MAGED1: variants seen among roughly 807,000 people sequenced by gnomAD.
The protein encoded by MAGED1 is melanoma-associated antigen D1.
Under a neutral mutation model 54.1 loss-of-function variants are expected in MAGED1, and 3 were observed. The ratio of observed to expected loss-of-function variants is 0.06; its 90% confidence interval spans 0.03 to 0.14. The LOEUF (loss-of-function observed/expected upper bound fraction) is 0.14. Ranked by LOEUF, MAGED1 falls within the 10% of genes least tolerant of loss-of-function variation. The pLI is 1.00. For synonymous variants in MAGED1, 217 were observed against 227.3 expected (o/e 0.95, Z 0.41); for missense variants, 485 against 623.4 (o/e 0.78, Z 2.36).
intron 1 of MAGED1, among the ~76,000 whole-genome samples, chrX:51,843,085 G>A (rs1448885950): frequency 9.0e-6 from 1 of 111,433 alleles, no homozygotes; most frequent in Non-Finnish European, 1.9e-5. Flanking sequence ...TTATTTTCTT[G>A]GAGAAGGCTT....
At chrX:51,892,307 G>A (rs973972908), upstream of MAGED1, among the ~76,000 whole-genome samples, 1 of 112,272 alleles carries the variant, frequency 8.9e-6, no homozygotes, top group Non-Finnish European at 1.9e-5. Context: ...TGAGTGACCC[G>A]TGCGGGCTCA....
intron 1 of MAGED1, among the ~76,000 whole-genome samples, chrX:51,879,435 T>C (rs1927983045): frequency 9.0e-6 from 1 of 111,606 alleles, no homozygotes; most frequent in Non-Finnish European, 1.9e-5. Context: ...GATCTTTTCC[T>C]ATATGTAGAA....
chrX:51,895,758 A>G lies in MAGED1; in HGVS notation c.751A>G (p.Lys251Glu), dbSNP rs1375022505. 5 of 1,158,104 alleles carry G rather than the reference A, an allele frequency of 4.3e-6. No homozygotes were observed. Among genetic ancestry groups the G allele is most frequent in the Non-Finnish European group, 5.8e-6 (5 of 865,750 alleles). ...RTIIRGKRTR[K>E]INNLNVEENS... ...AATAATTCGGGGCAAGAGGACCCGC[A>G]AGGTGAGATCTCTGCTAACTTCATT... The change falls in exon 3 of 13, where the codon AAG (lysine) becomes GAG (glutamate). Residue 251 changes from lysine to glutamate, a missense_variant and splice_region_variant. Lys to Glu is a moderately conservative substitution (Grantham distance 56). This residue lies in a region of MAGED1 where 299 missense variants were observed against 293.1 expected (regional missense o/e 1.02). Transcript: ENST00000326587.
intron 1 of MAGED1, among the ~76,000 whole-genome samples, chrX:51,820,007 C>CATATAG (rs1925565009): frequency 9.0e-6 from 1 of 111,614 alleles, no homozygotes; most frequent in Admixed American, 9.5e-5. Context: ...GTTTCATTTG[C>CATATAG]ATATAGATAT....
intron 1 of MAGED1, among the ~76,000 whole-genome samples, chrX:51,845,982 C>T (rs1441560168): frequency 9.0e-6 from 1 of 110,528 alleles, no homozygotes; most frequent in Non-Finnish European, 1.9e-5. Flanking sequence ...TGTCATGTTG[C>T]CCAGGCTGGT....
At chrX:51,890,506 G>T (rs782293348), upstream of MAGED1, among the ~76,000 whole-genome samples, 1 of 111,809 alleles carries the variant, frequency 8.9e-6, no homozygotes, top group Admixed American at 9.5e-5. Context: ...TAGCTGCCAA[G>T]GGCATGTGAA....
intron 1 of MAGED1, among the ~76,000 whole-genome samples, chrX:51,877,019 G>A (rs1433830226): frequency 9.0e-6 from 1 of 110,613 alleles, no homozygotes; most frequent in Non-Finnish European, 1.9e-5. Context: ...ATACGTTTCT[G>A]AATTGTTTTC....
chrX:51,879,905 T>G (rs1477431543), intron 1 of MAGED1, among the ~76,000 whole-genome samples: 2 of 112,218 alleles, frequency 1.8e-5, no homozygotes, highest in African/African-American at 6.5e-5. Flanking sequence ...TATTGTGGGT[T>G]CCTTAAAAAG....
chrX:51,878,379 T>C (rs1379698023), intron 1 of MAGED1, among the ~76,000 whole-genome samples: 3 of 111,399 alleles, frequency 2.7e-5, no homozygotes, highest in African/African-American at 9.8e-5. Flanking sequence ...GTGAAGAGCA[T>C]TGAAGAGCCT....
chrX:51,889,234 A>T (rs1160391954), upstream of MAGED1, among the ~76,000 whole-genome samples: 1 of 112,025 alleles, frequency 8.9e-6, no homozygotes, highest in Non-Finnish European at 1.9e-5. Context: ...TTCCCTGTGT[A>T]TCTGTAATTA....
chrX:51,865,097 C>T (rs1927415886), intron 1 of MAGED1, among the ~76,000 whole-genome samples: 2 of 112,337 alleles, frequency 1.8e-5, no homozygotes, highest in South Asian at 7.3e-4. Flanking sequence ...TTGTGATATA[C>T]GGCCTTTACT....
intron 1 of MAGED1, among the ~76,000 whole-genome samples, chrX:51,873,720 G>C (rs1927775411): frequency 9.0e-6 from 1 of 111,080 alleles, no homozygotes; most frequent in Admixed American, 9.6e-5. Context: ...CAATGTCTCA[G>C]TCCCCTTATA....
chrX:51,894,424 CA>C, intron 2 of MAGED1, 75 bp downstream of exon 2: 4 of 999,536 alleles, frequency 4.0e-6, no homozygotes, highest in Non-Finnish European at 5.6e-6. Context: ...TTTGGTCTCC[CA>C]AACGCCGGGA....
In MAGED1 at chrX:51,902,005, T is replaced by TA. The variant is rs782599782; in HGVS notation, c.*8+67_*8+68insA. On this transcript the variant is annotated intron_variant, in intron 12 of 12. Transcript: ENST00000326587. ...GGATATAGGGTCCATGGGGTTGTAT[T>TA]TATGTGCATGAGCTAGAAGTATTAG... 4 of 1,055,077 alleles carry TA rather than the reference T, an allele frequency of 3.8e-6. No individual in the cohort carries two copies. The East Asian group carries it at 1.3e-4, about 33-fold the overall frequency. 87.0% of individuals were successfully genotyped at this position (1,055,077 alleles called of 1,213,427 possible).
intron 1 of MAGED1, among the ~76,000 whole-genome samples, chrX:51,872,389 C>T (rs1401756125): frequency 8.9e-6 from 1 of 111,983 alleles, no homozygotes; most frequent in Non-Finnish European, 1.9e-5. Context: ...GCTAACAAAA[C>T]ATTATCTATG....
At chrX:51,853,082 C>T (rs782358297) in intron 1 of MAGED1, among the ~76,000 whole-genome samples, 1 of 111,122 alleles carries the variant, frequency 9.0e-6, no homozygotes, top group Non-Finnish European at 1.9e-5. Flanking sequence ...TTTCGTCTTA[C>T]CTGTCTTTAA....
chrX:51,871,555 G>C lies in MAGED1; in HGVS notation c.-36-22714G>C, dbSNP rs1324334503. ...TTTTGTCCTTGCAATAGTTTGCTGA[G>C]AATGATGGTGTCCAGCTTCATCCAT... On this transcript the variant is annotated intron_variant, in intron 1 of 12. Transcript: ENST00000375772. Among the ~76,000 whole-genome samples, 3 of 110,884 alleles carry C rather than the reference G, an allele frequency of 2.7e-5. No individual in the cohort carries two copies. In the Admixed American group the frequency reaches 2.9e-4, roughly 11 times the overall value.
intron 1 of MAGED1, among the ~76,000 whole-genome samples, chrX:51,888,199 A>G (rs1928308886): frequency 9.0e-6 from 1 of 111,653 alleles, no homozygotes. Context: ...GAGGGGATGG[A>G]TTCTCAGTGA....
chrX:51,806,308 T>G (rs970815217), intron 1 of MAGED1, among the ~76,000 whole-genome samples: 1 of 111,961 alleles, frequency 8.9e-6, no homozygotes, highest in South Asian at 3.7e-4. Context: ...CTCGGCTGTG[T>G]AACCAGCATC....
Sources: gnomAD v4.1 joint callset for allele counts (sites outside exome capture counted in the v4.1 genomes callset) on GRCh38, gnomAD v4.1.1 for gene constraint, gnomAD v4.1.1 regional missense constraint, MANE v1.5 for transcripts, NCBI Gene and HGNC (gene_info 2026-07-23, HGNC 2026-07-21) for gene names.